The following RPS6KC1 variants were observed in gnomAD, a reference collection of about 807,000 sequenced individuals.
The protein encoded by RPS6KC1 is ribosomal protein S6 kinase C1.
In RPS6KC1, 54 loss-of-function variants were observed where a neutral mutation model predicts 103.8. The observed-to-expected ratio is 0.52, with a 90% CI of 0.42 to 0.65. The LOEUF (loss-of-function observed/expected upper bound fraction) is 0.65, where lower values mean the gene tolerates loss of function less well. RPS6KC1 is among the 30% of genes least tolerant of loss of function. RPS6KC1 has a pLI of 0.00. For synonymous variants in RPS6KC1, 439 were observed against 438.7 expected (o/e 1.00, Z -0.01); for missense variants, 1,151 against 1,253.8 (o/e 0.92, Z 1.24).
chr1:213,505,186 C>G, the RPS6KC1 span, among the ~76,000 whole-genome samples: 2 of 152,304 alleles, frequency 1.3e-5, no homozygotes, highest in East Asian at 1.9e-4. Context: ...CTCACTCTCT[C>G]CAATTCAGGA....
chr1:213,251,841 A>G (rs2094551448), intron 12 of RPS6KC1, among the ~76,000 whole-genome samples: 1 of 152,218 alleles, frequency 6.6e-6, no homozygotes, highest in African/African-American at 2.4e-5. Flanking sequence ...CACTGTGCCT[A>G]GGAGCCAGAA....
the RPS6KC1 span, among the ~76,000 whole-genome samples, chr1:213,358,412 T>C: frequency 6.6e-6 from 1 of 152,266 alleles, no homozygotes; most frequent in Non-Finnish European, 1.5e-5. Flanking sequence ...TTTTCTAGTT[T>C]ATTTGCATAG....
the RPS6KC1 span, among the ~76,000 whole-genome samples, chr1:213,475,296 T>A: frequency 1.3e-5 from 2 of 152,192 alleles, no homozygotes; most frequent in African/African-American, 4.8e-5. Context: ...TAGTCATCAG[T>A]CTACCTCAGG....
the RPS6KC1 span, among the ~76,000 whole-genome samples, chr1:213,502,645 G>T: frequency 4.6e-5 from 7 of 152,028 alleles, no homozygotes; most frequent in African/African-American, 1.7e-4. Context: ...CATGGCATAT[G>T]TTTACAATAT....
At chr1:213,533,851 A>G in the RPS6KC1 span, among the ~76,000 whole-genome samples, 3 of 152,176 alleles carry the variant, frequency 2.0e-5, no homozygotes, top group Non-Finnish European at 4.4e-5. Context: ...AAGGGAGAAA[A>G]CAGTCCAGCC....
At chr1:213,751,525 G>A in the RPS6KC1 span, among the ~76,000 whole-genome samples, 1 of 152,094 alleles carries the variant, frequency 6.6e-6, no homozygotes, top group African/African-American at 2.4e-5. Context: ...ACCACCTGCC[G>A]CTCTAGAAGA....
chr1:213,580,321 T>C, the RPS6KC1 span, among the ~76,000 whole-genome samples: 1 of 152,056 alleles, frequency 6.6e-6, no homozygotes, highest in Admixed American at 6.5e-5. Context: ...AAGTAGAGCC[T>C]GGAATTGCTG....
the RPS6KC1 span, among the ~76,000 whole-genome samples, chr1:213,754,702 C>T: frequency 6.6e-6 from 1 of 152,220 alleles, no homozygotes; most frequent in African/African-American, 2.4e-5. Flanking sequence ...GAACCATGAG[C>T]CAATTAAACC....
At chr1:213,803,265 AG>A in the RPS6KC1 span, among the ~76,000 whole-genome samples, 1 of 60,162 alleles carries the variant, frequency 1.7e-5, no homozygotes, top group Admixed American at 2.2e-4. Flanking sequence ...TTTTTTTTTT[AG>A]ATGCAGTTTC....
chr1:213,301,867 C>T, the RPS6KC1 span, among the ~76,000 whole-genome samples: 1 of 151,834 alleles, frequency 6.6e-6, no homozygotes, highest in Non-Finnish European at 1.5e-5. Context: ...TCCTGAGTAG[C>T]TGGGATTATA....
chr1:213,800,565 A>G, the RPS6KC1 span, among the ~76,000 whole-genome samples: 133 of 152,254 alleles, frequency 8.7e-4, 1 homozygote, highest in African/African-American at 3.2e-3. Flanking sequence ...CATATGTTTA[A>G]GTCACAACCT....
chr1:213,471,295 T>C, the RPS6KC1 span, among the ~76,000 whole-genome samples: 1 of 152,208 alleles, frequency 6.6e-6, no homozygotes, highest in South Asian at 2.1e-4. Flanking sequence ...AATCAGTCAT[T>C]CTGCCAAGGA....
the RPS6KC1 span, among the ~76,000 whole-genome samples, chr1:213,527,402 G>A: frequency 6.6e-6 from 1 of 152,162 alleles, no homozygotes; most frequent in African/African-American, 2.4e-5. Flanking sequence ...GGCTTGGCTA[G>A]AACCCCAGAG....
chr1:213,767,399 C>G, the RPS6KC1 span, among the ~76,000 whole-genome samples: 2 of 152,176 alleles, frequency 1.3e-5, no homozygotes, highest in Non-Finnish European at 2.9e-5. Context: ...CACATTTCCT[C>G]CCCATCTTCT....
chr1:213,262,062 C>T (rs2094809439), intron 13 of RPS6KC1, among the ~76,000 whole-genome samples: 1 of 152,088 alleles, frequency 6.6e-6, no homozygotes, highest in African/African-American at 2.4e-5. Flanking sequence ...TTATCTTTTT[C>T]TCAGTACCAT....
intron 13 of RPS6KC1, 56 bp from the exon 14 acceptor site, chr1:213,262,665 T>C: frequency 1.8e-6 from 2 of 1,133,176 alleles, no homozygotes; most frequent in Non-Finnish European, 2.7e-6. Flanking sequence ...AATCCTATGA[T>C]AGAACAAAAT....
chr1:213,571,252 A>G, the RPS6KC1 span, among the ~76,000 whole-genome samples: 1 of 152,204 alleles, frequency 6.6e-6, no homozygotes, highest in South Asian at 2.1e-4. Context: ...ATTTTTATTG[A>G]GCATCTTCTC....
At chr1:213,847,461 G>A in the RPS6KC1 span, among the ~76,000 whole-genome samples, 21 of 152,226 alleles carry the variant, frequency 1.4e-4, no homozygotes, top group African/African-American at 4.8e-4. Flanking sequence ...CATGATCAGG[G>A]CATAAGTAAC....
chr1:213,707,458 G>A, the RPS6KC1 span, among the ~76,000 whole-genome samples: 27 of 152,096 alleles, frequency 1.8e-4, no homozygotes, highest in African/African-American at 6.5e-4. Context: ...GCCTTTGTCA[G>A]ATGGATAGAT....
Sources: gnomAD v4.1 joint callset for allele counts (sites outside exome capture counted in the v4.1 genomes callset) on GRCh38, gnomAD v4.1.1 for gene constraint, MANE v1.5 for transcripts, NCBI Gene and HGNC (gene_info 2026-07-23, HGNC 2026-07-21) for gene names.